The following TMEM132C variants were observed in gnomAD, a reference collection of about 807,000 sequenced individuals.
TMEM132C encodes the protein transmembrane protein 132C, also known as protein phosphatase 1, regulatory subunit 152.
In TMEM132C, 29 loss-of-function variants were observed where a neutral mutation model predicts 61.4. The observed-to-expected ratio is 0.47, with a 90% CI of 0.35 to 0.64. The LOEUF is 0.64. TMEM132C is among the 30% of genes least tolerant of loss of function. TMEM132C has a pLI of 0.00. For missense variants in TMEM132C, 1,408 were observed against 1,476.9 expected, an observed-to-expected ratio of 0.95 and a Z score of 0.76; for synonymous variants, 656 against 633.1, an observed-to-expected ratio of 1.04 and a Z score of -0.54.
intron 1 of TMEM132C, among the ~76,000 whole-genome samples, chr12:128,317,515 ATTTCT>A (rs1315317615): frequency 3.9e-5 from 6 of 152,206 alleles, no homozygotes; most frequent in African/African-American, 7.2e-5. Flanking sequence ...TATAGTCTAC[ATTTCT>A]TTTCTGTTTC....
At chr12:128,670,213 G>A (rs765067979) in intron 5 of TMEM132C, among the ~76,000 whole-genome samples, 1 of 152,144 alleles carries the variant, frequency 6.6e-6, no homozygotes, top group Non-Finnish European at 1.5e-5. Flanking sequence ...GGAGACTGAG[G>A]CAGGAGAATC....
chr12:128,287,877 A>AG (rs1354781353), intron 1 of TMEM132C, among the ~76,000 whole-genome samples: 3 of 152,036 alleles, frequency 2.0e-5, no homozygotes, highest in Non-Finnish European at 4.4e-5. Flanking sequence ...AGTACAGGCC[A>AG]GGTTTTTTAG....
chr12:128,393,986 G>T (rs532332121), intron 1 of TMEM132C, among the ~76,000 whole-genome samples: 1 of 152,118 alleles, frequency 6.6e-6, no homozygotes, highest in African/African-American at 2.4e-5. Flanking sequence ...GTATTAGTCC[G>T]TTTTCACACT....
At chr12:128,515,000 A>G (rs904153357) in intron 2 of TMEM132C, among the ~76,000 whole-genome samples, 7 of 152,254 alleles carry the variant, frequency 4.6e-5, no homozygotes, top group Non-Finnish European at 1.0e-4. Flanking sequence ...GGTGTCTACA[A>G]TGCTAAGAGT....
intron 2 of TMEM132C, among the ~76,000 whole-genome samples, chr12:128,485,557 G>A (rs1483766569): frequency 6.7e-6 from 1 of 150,330 alleles, no homozygotes; most frequent in Non-Finnish European, 1.5e-5. Flanking sequence ...GGCAGTGTCT[G>A]GAGACATTTT....
chr12:128,427,950 C>T (rs528775340), intron 2 of TMEM132C, among the ~76,000 whole-genome samples: 42 of 152,296 alleles, frequency 2.8e-4, no homozygotes, highest in Admixed American at 5.2e-4. Flanking sequence ...TAAAGGAGTG[C>T]GCAGCCTTTT....
At chr12:128,407,486 T>C (rs921362206) in intron 1 of TMEM132C, among the ~76,000 whole-genome samples, 3 of 152,194 alleles carry the variant, frequency 2.0e-5, no homozygotes, top group Admixed American at 2.0e-4. Context: ...TGTAGAGGCT[T>C]GATCATGTTC....
At chr12:128,673,898 C>T (rs1954559134) in intron 5 of TMEM132C, among the ~76,000 whole-genome samples, 3 of 152,230 alleles carry the variant, frequency 2.0e-5, no homozygotes, top group Admixed American at 1.3e-4. Context: ...TCAGAGTCAA[C>T]TCTGGTCATC....
rs553340809 is a variant in TMEM132C at position 128,417,785 on chromosome 12, T to C, written c.974+2165T>C. On this transcript the variant is annotated intron_variant, in intron 2 of 8. Transcript: ENST00000435159. ...CACCCGTCAAACCTTCAATAAGCAT[T>C]GAATTGTATCTTCGCAGTAAACAGA... Among the ~76,000 whole-genome samples the C allele has an allele frequency of 5.8e-4, 88 of 152,328 alleles. 1 individual carries two copies. The highest frequency in any genetic ancestry group is 6.8e-3 in the Middle Eastern group (2 of 294).
intron 1 of TMEM132C, among the ~76,000 whole-genome samples, chr12:128,340,817 T>TTCTTTCTTTCTC (rs1228679089): frequency 1.1e-3 from 159 of 149,532 alleles, no homozygotes; most frequent in African/African-American, 3.8e-3. Context: ...CTTTCTCTCT[T>TTCTTTCTTTCTC]TCTTTCTGTC....
chr12:128,546,702 G>A (rs949087936), intron 3 of TMEM132C, among the ~76,000 whole-genome samples: 11 of 152,172 alleles, frequency 7.2e-5, no homozygotes, highest in African/African-American at 1.9e-4. Context: ...AGAGGAGGGC[G>A]GGTGGTGCAT....
At chr12:128,537,866 A>C (rs1873591494) in intron 2 of TMEM132C, among the ~76,000 whole-genome samples, 1 of 152,236 alleles carries the variant, frequency 6.6e-6, no homozygotes. Context: ...ACAATGGACC[A>C]CAATTATGGT....
chr12:128,411,490 A>C (rs1457993402), intron 1 of TMEM132C, among the ~76,000 whole-genome samples: 1 of 152,146 alleles, frequency 6.6e-6, no homozygotes, highest in East Asian at 1.9e-4. Context: ...TTTGATGCTC[A>C]AATTATCTTC....
chr12:128,281,396 T>A (rs1397627505), intron 1 of TMEM132C, among the ~76,000 whole-genome samples: 2 of 152,172 alleles, frequency 1.3e-5, no homozygotes. Flanking sequence ...CTGGCCTGAA[T>A]CAAATCCCTG....
chr12:128,381,056 G>T (rs946994620), intron 1 of TMEM132C, among the ~76,000 whole-genome samples: 1 of 152,140 alleles, frequency 6.6e-6, no homozygotes, highest in African/African-American at 2.4e-5. Context: ...CAGCAAAATC[G>T]CCAAAAGAAA....
At chr12:128,684,723 G>T (rs966390109) in intron 5 of TMEM132C, among the ~76,000 whole-genome samples, 10 of 152,370 alleles carry the variant, frequency 6.6e-5, no homozygotes, top group African/African-American at 2.4e-4. Flanking sequence ...ATGTAAAAGG[G>T]AGGGGAAGAG....
chr12:128,706,353 A>G lies in TMEM132C; in HGVS notation c.*58A>G, dbSNP rs1459548817. ...CTTCCTTGTACTGGAAACTGGCCCA[A>G]GTGGGGCAGAAGGCGTTGTCAGTGG... is the stretch of plus-strand genomic sequence containing the variant. On this transcript the variant is annotated 3_prime_UTR_variant, in exon 9 of 9. Transcript: ENST00000435159. 3.4e-6 allele frequency: 5 copies of G among 1,452,214 alleles called. No individual in the cohort carries two copies. The East Asian group carries it at 7.5e-5, about 22-fold the overall frequency. The allele number at this position is 1,452,214 out of a possible 1,614,324, so 90.0% of individuals were successfully genotyped here.
intron 2 of TMEM132C, among the ~76,000 whole-genome samples, chr12:128,436,904 C>T (rs897977354): frequency 5.3e-5 from 8 of 152,110 alleles, no homozygotes; most frequent in South Asian, 2.1e-4. Context: ...ACCAAACGTC[C>T]GTCAATGATA....
rs1040039049 is a variant in TMEM132C at position 128,707,174 on chromosome 12, C to G, written c.*879C>G. ...CCATCACCACTACCATAGGGCAAAG[C>G]CAGCAGGTGTGGCCCTGTGAGGGGC... is the stretch of plus-strand genomic sequence containing the variant. On this transcript the variant is annotated 3_prime_UTR_variant, in exon 9 of 9. Transcript: ENST00000435159. 7 of 152,046 alleles carry G rather than the reference C, an allele frequency of 4.6e-5. No individual in the cohort carries two copies. Among genetic ancestry groups the G allele is most frequent in the African/African-American group, 1.7e-4 (7 of 41,382 alleles). The allele number at this position is 152,046 out of a possible 1,614,324, so 9.4% of individuals were successfully genotyped here. A position where few individuals can be genotyped will look rare whatever the true frequency, so the allele number is the denominator to read the frequency against.
Sources: allele counts gnomAD v4.1 joint callset (sites outside exome capture counted in the v4.1 genomes callset), GRCh38; gene constraint gnomAD v4.1.1; transcripts MANE v1.5; gene names NCBI Gene and HGNC (gene_info 2026-07-23, HGNC 2026-07-21).